Variants in COL7A1 observed in about 807,000 individuals in gnomAD.
COL7A1 encodes collagen alpha-1(VII) chain.
Under a neutral mutation model 456.2 loss-of-function variants are expected in COL7A1, and 296 were observed. That is an observed-to-expected ratio of 0.65 (90% CI 0.59 to 0.71). COL7A1 has a LOEUF of 0.71. Among genes scored for constraint, COL7A1 ranks in the 30% least tolerant of loss-of-function variants. COL7A1 has a pLI of 0.00. For synonymous variants in COL7A1, 1,464 were observed against 1,525.9 expected (o/e 0.96, Z 0.95); for missense variants, 3,441 against 4,017.2 (o/e 0.86, Z 3.88).
In COL7A1 at chr3:48,593,298, C is replaced by G. The variant is rs751212883; in HGVS notation, c.521-35G>C. On this transcript the variant is annotated intron_variant, in intron 5 of 118. Transcript: ENST00000681320. The surrounding 1 kb of genome is among the most constrained non-coding windows in gnomAD (Gnocchi z 4.4). Reference sequence around the variant, plus strand: ...CGACCCATCAGGACTCAGTCACCCACATGCTCTCTGACTGCCCCCACCCCC... The same window carrying G: ...CGACCCATCAGGACTCAGTCACCCAGATGCTCTCTGACTGCCCCCACCCCC... 1.2e-6 allele frequency: 2 copies of G among 1,614,122 alleles called. No homozygotes were observed. Among genetic ancestry groups the G allele is most frequent in the South Asian group, 2.2e-5 (2 of 91,078 alleles).
chr3:48,565,826 T>C lies in COL7A1; in HGVS notation c.8408-158A>G, dbSNP rs1160611226. Among the ~76,000 whole-genome samples the C allele has an allele frequency of 1.3e-5, 2 of 150,774 alleles. No individual in the cohort carries two copies. Among genetic ancestry groups the C allele is most frequent in the East Asian group, 2.0e-4 (1 of 5,124 alleles). ...AGGAAGAGAGAGGGTGGGAGGTAGA[T>C]AGAGAGATGGAAAAAGAGAAGAAGG... On this transcript the variant is annotated intron_variant, in intron 114 of 118. Coordinates refer to ENST00000681320, the MANE Select transcript of COL7A1 (RefSeq NM_000094.4). The surrounding 1 kb of genome is among the most constrained non-coding windows in gnomAD (Gnocchi z 4.5).
Position 48,588,016 on chromosome 3 carries a change from T to A in COL7A1, c.2711-77A>T. 1 of 1,494,450 alleles carries A rather than the reference T, an allele frequency of 6.7e-7. No individual in the cohort carries two copies. Among genetic ancestry groups the A allele is most frequent in the Non-Finnish European group, 9.1e-7 (1 of 1,104,138 alleles). The allele number at this position is 1,494,450 out of a possible 1,614,324, so 92.6% of individuals were successfully genotyped here. A position where few individuals can be genotyped will look rare whatever the true frequency, so the allele number is the denominator to read the frequency against. ...GGGGGCATTAAAGGGCCTGCCCACT[T>A]CACTGGCTCTGTTAACTGGGTTCAC... On this transcript the variant is annotated intron_variant, in intron 21 of 118. Coordinates refer to ENST00000681320, the MANE Select transcript of COL7A1 (RefSeq NM_000094.4). This position sits in a 1 kb window ranked among gnomAD's most constrained non-coding sequence, Gnocchi z 4.6.
In COL7A1 at chr3:48,576,835, C is replaced by CCAGGGT. The variant is rs1387184365; in HGVS notation, c.5604+43_5604+48dup. 7 of 1,613,896 alleles carry CCAGGGT rather than the reference C, an allele frequency of 4.3e-6. No homozygotes were observed. The Admixed American group carries it at 8.3e-5, about 19-fold the overall frequency. ...CAGAAAAGAGTGGAGTCATATTCCC[C>CCAGGGT]CAGGGTCAGGGTCAGGGGTCAGAGG... On this transcript the variant is annotated intron_variant, in intron 67 of 118. Coordinates refer to ENST00000681320, the MANE Select transcript of COL7A1 (RefSeq NM_000094.4).
At position 48,586,063 on chromosome 3, in the gene COL7A1, C is replaced by T. The variant is rs1160176401; in HGVS notation, c.3723+11G>A. The T allele has an allele frequency of 6.2e-7, 1 of 1,613,610 alleles. No individual in the cohort carries two copies. Among genetic ancestry groups the T allele is most frequent in the Non-Finnish European group, 8.5e-7 (1 of 1,180,030 alleles). ...TTCTACCACCCAGTCCCCCAGAGGC[C>T]TCTTCCAAACCTGAGTAGTGAAGGA... On this transcript the variant is annotated intron_variant, in intron 28 of 118. Coordinates refer to ENST00000681320, the MANE Select transcript of COL7A1 (RefSeq NM_000094.4). The surrounding 1 kb of genome is among the most constrained non-coding windows in gnomAD (Gnocchi z 5.1).
In COL7A1 at chr3:48,578,232, G is replaced by T; in HGVS notation, c.5532+89C>A. 1.4e-6 allele frequency: 2 copies of T among 1,455,058 alleles called. No homozygotes were observed. Among genetic ancestry groups the T allele is most frequent in the Non-Finnish European group, 1.9e-6 (2 of 1,043,518 alleles). The allele number at this position is 1,455,058 out of a possible 1,614,324, so 90.1% of individuals were successfully genotyped here. Reference sequence around the variant, plus strand: ...GGCCAGGATGCATGTGTCTACACGTGTGCCTCATGTGTTGCTACAGATCTT... The same window carrying T: ...GGCCAGGATGCATGTGTCTACACGTTTGCCTCATGTGTTGCTACAGATCTT... On this transcript the variant is annotated intron_variant, in intron 65 of 118. Coordinates refer to ENST00000681320, the MANE Select transcript of COL7A1 (RefSeq NM_000094.4). This position sits in a 1 kb window ranked among gnomAD's most constrained non-coding sequence, Gnocchi z 4.7.
chr3:48,564,728 C>T lies in COL7A1; in HGVS notation c.8818+55G>A. On this transcript the variant is annotated intron_variant, in intron 118 of 118. Coordinates refer to ENST00000681320, the MANE Select transcript of COL7A1 (RefSeq NM_000094.4). The surrounding 1 kb of genome is among the most constrained non-coding windows in gnomAD (Gnocchi z 6.0). ...TGGCCCAAGGACTCCTCCCCCAGAA[C>T]CCGATCCAGGCAGGCTCAGTGCCCA... 6.4e-7 allele frequency: 1 copy of T among 1,573,652 alleles called. No individual in the cohort carries two copies. The highest frequency in any genetic ancestry group is 8.7e-7 in the Non-Finnish European group (1 of 1,155,474).
rs1036738746 is a variant in COL7A1, at chr3:48,580,052, G to A, written c.5103C>T (p.Pro1701=). 1.2e-6 allele frequency: 2 copies of A among 1,613,954 alleles called. No homozygotes were observed. Among genetic ancestry groups the A allele is most frequent in the Non-Finnish European group, 1.7e-6 (2 of 1,179,936 alleles). ...GPKGDRGEPG[P]PGPPGRLVDT... ...TTACCAGCCGTCCCGGGGGTCCTGG[G>A]GGACCCTGGGAAAGGAAATGATTAT... The change falls in exon 57 of 119, where the codon CCC becomes CCT. Residue 1701 remains proline (P), a synonymous_variant. Transcript: ENST00000681320. This position sits in a 1 kb window ranked among gnomAD's most constrained non-coding sequence, Gnocchi z 4.5.
chr3:48,578,217 C>T lies in COL7A1; in HGVS notation c.5532+104G>A. 7.7e-7 allele frequency: 1 copy of T among 1,304,916 alleles called. No homozygotes were observed. The highest frequency in any genetic ancestry group is 1.1e-6 in the Non-Finnish European group (1 of 912,186). 80.8% of individuals were successfully genotyped at this position (1,304,916 alleles called of 1,614,324 possible). ...GCATCTGTATGTCTGGGCCAGGATG[C>T]ATGTGTCTACACGTGTGCCTCATGT... is the stretch of plus-strand genomic sequence containing the variant. On this transcript the variant is annotated intron_variant, in intron 65 of 118. Coordinates refer to ENST00000681320, the MANE Select transcript of COL7A1 (RefSeq NM_000094.4). The surrounding 1 kb of genome is among the most constrained non-coding windows in gnomAD (Gnocchi z 4.7).
rs1462018366 is a variant in COL7A1, at chr3:48,588,222, G to A, written c.2710+60C>T. On this transcript the variant is annotated intron_variant, in intron 21 of 118. Coordinates refer to ENST00000681320, the MANE Select transcript of COL7A1 (RefSeq NM_000094.4). This position sits in a 1 kb window ranked among gnomAD's most constrained non-coding sequence, Gnocchi z 4.6. ...CCATCACTGTCCTCGCCTACCTTGC[G>A]GAGTCTGCCACAGCCCTGCCCCCAA... 8.1e-6 allele frequency: 13 copies of A among 1,611,550 alleles called. No individual in the cohort carries two copies. The highest frequency in any genetic ancestry group is 2.7e-5 in the African/African-American group (2 of 74,788).
Position 48,575,199 on chromosome 3 carries a change from C to T in COL7A1, c.6216+8G>A, listed in dbSNP as rs762379640. On this transcript the variant is annotated splice_region_variant and intron_variant, in intron 75 of 118. Transcript: ENST00000681320. The surrounding 1 kb of genome is among the most constrained non-coding windows in gnomAD (Gnocchi z 6.3). ...ACAGCCTGCCCCACGAAGCCCATCG[C>T]AGCCCACCTGTTCTCCACGTTCTCC... 1 of 1,614,062 alleles carries T rather than the reference C, an allele frequency of 6.2e-7. No individual in the cohort carries two copies. Among genetic ancestry groups the T allele is most frequent in the East Asian group, 2.2e-5 (1 of 44,884 alleles).
In COL7A1 at chr3:48,593,018, G is replaced by A; in HGVS notation, c.683-80C>T. 4 of 1,612,696 alleles carry A rather than the reference G, an allele frequency of 2.5e-6. No individual in the cohort carries two copies. In the South Asian group the frequency reaches 4.4e-5, roughly 18 times the overall value. On this transcript the variant is annotated intron_variant, in intron 6 of 118. Transcript: ENST00000681320. This position sits in a 1 kb window ranked among gnomAD's most constrained non-coding sequence, Gnocchi z 4.4. ...TGCAGAGTTGGGGTCGGGGTCAGGA[G>A]CACATAGGATGGAATCAGCACTGCC...
rs778152277 is a variant in COL7A1 at position 48,575,055 on chromosome 3, G to T, written c.6279+9C>A. On this transcript the variant is annotated intron_variant, in intron 76 of 118. Coordinates refer to ENST00000681320, the MANE Select transcript of COL7A1 (RefSeq NM_000094.4). The surrounding 1 kb of genome is among the most constrained non-coding windows in gnomAD (Gnocchi z 6.3). ...AGTCACAGGACTAAGGCAGGGATGG[G>T]GTGATCACCTTGGGGCCAGGGGGTC... 1.2e-6 allele frequency: 2 copies of T among 1,611,432 alleles called. No individual in the cohort carries two copies. The highest frequency in any genetic ancestry group is 1.1e-5 in the South Asian group (1 of 91,034).
chr3:48,586,149 C>T lies in COL7A1; in HGVS notation c.3648G>A (p.Val1216=), dbSNP rs1331796755. The change falls in exon 28 of 119, where the codon GTG becomes GTA. Residue 1216 remains valine, a synonymous_variant. Transcript: ENST00000681320. The surrounding 1 kb of genome is among the most constrained non-coding windows in gnomAD (Gnocchi z 5.1). The stretch of plus-strand genomic sequence containing the variant: ...CCTGGTCCAGGCTTGGCCCATCATC[C>T]ACGGCGAAGAAGGTCTGGACAGAGT... ...GMDSVQTFFA[V]DDGPSLDQAV... 6.2e-7 allele frequency: 1 copy of T among 1,613,272 alleles called. No individual in the cohort carries two copies. Among genetic ancestry groups the T allele is most frequent in the Non-Finnish European group, 8.5e-7 (1 of 1,180,052 alleles).
In COL7A1 at chr3:48,588,643, C is replaced by T. The variant is rs537416600; in HGVS notation, c.2586G>A (p.Thr862=). The T allele has an allele frequency of 2.5e-6, 4 of 1,613,842 alleles. No individual in the cohort carries two copies. Among genetic ancestry groups the T allele is most frequent in the African/African-American group, 1.3e-5 (1 of 75,060 alleles). ...EGTPVSIVVT[T]PPEAPPALGT... is the part of the protein sequence containing the mutation. Reference sequence around the variant, plus strand: ...CTCTCCAGCGCATGCTCTGCCTACGCGTAGTGACAACAATGGAGACAGGTG... The same window carrying T: ...CTCTCCAGCGCATGCTCTGCCTACGTGTAGTGACAACAATGGAGACAGGTG... The change falls in exon 20 of 119, where the codon ACG becomes ACA. Residue 862 remains threonine (T), a splice_region_variant and synonymous_variant. Transcript: ENST00000681320. This position sits in a 1 kb window ranked among gnomAD's most constrained non-coding sequence, Gnocchi z 4.6.
intron 47 of COL7A1, 112 bp downstream of exon 47, chr3:48,582,211 C>T (rs2044810798): frequency 4.4e-6 from 7 of 1,585,198 alleles, no homozygotes; most frequent in African/African-American, 4.0e-5. Context: ...GCAGAGCTCC[C>T]AGCCTGCTCA....
chr3:48,585,815 C>T lies in COL7A1; in HGVS notation c.3786+15G>A, dbSNP rs373252766. The stretch of plus-strand genomic sequence containing the variant: ...CTCAACCCATTCTCTATTCCCCGCC[C>T]GCAGGGGCACTCACCATCTCTCCAG... On this transcript the variant is annotated intron_variant, in intron 30 of 118. Transcript: ENST00000681320. This position sits in a 1 kb window ranked among gnomAD's most constrained non-coding sequence, Gnocchi z 4.5. 1,227 of 1,614,066 alleles carry T rather than the reference C, an allele frequency of 7.6e-4. 12 individuals are homozygous for T. In the South Asian group the frequency reaches 0.01, roughly 14 times the overall value.
Position 48,566,214 on chromosome 3 carries a change from C to G in COL7A1, c.8407+53G>C. The G allele has an allele frequency of 6.4e-7, 1 of 1,568,032 alleles. No individual in the cohort carries two copies. The highest frequency in any genetic ancestry group is 8.7e-7 in the Non-Finnish European group (1 of 1,155,544). On this transcript the variant is annotated intron_variant, in intron 114 of 118. Transcript: ENST00000681320. The surrounding 1 kb of genome is among the most constrained non-coding windows in gnomAD (Gnocchi z 5.9). ...TGTAAGTTCTAGGGGCCTGCCTGCC[C>G]TTGCCTAGGGTGCTGGGGTGGAGTG...
Position 48,571,327 on chromosome 3 carries a change from A to C in COL7A1, c.7069-49T>G. ...TTTGAGAGGGTAGGAACATGAGCAC[A>C]GAGTTCAGACACGGGCTGAAAATAT... is the stretch of plus-strand genomic sequence containing the variant. On this transcript the variant is annotated intron_variant, in intron 92 of 118. Transcript: ENST00000681320. The surrounding 1 kb of genome is among the most constrained non-coding windows in gnomAD (Gnocchi z 4.6). 1 of 1,609,302 alleles carries C rather than the reference A, an allele frequency of 6.2e-7. No homozygotes were observed. Among genetic ancestry groups the C allele is most frequent in the Non-Finnish European group, 8.5e-7 (1 of 1,175,768 alleles).
rs1377514123 is a variant in COL7A1 at position 48,570,280 on chromosome 3, T to C, written c.7435A>G (p.Ile2479Val). The change falls in exon 98 of 119, where the codon ATC becomes GTC. Residue 2479 changes from isoleucine to valine, a missense_variant. This residue lies in a region of COL7A1 where 2,084 missense variants were observed against 2,501.3 expected (regional missense o/e 0.83). Transcript: ENST00000681320. The surrounding 1 kb of genome is among the most constrained non-coding windows in gnomAD (Gnocchi z 5.5). Reference protein sequence around the residue: ...GPRGERGEPGIRGEDGRPGQE... With the variant: ...GPRGERGEPGVRGEDGRPGQE... ...GTGGAGTAAGACATACGTACCCGGA[T>C]GCCTGGCTCCCCACGCTCGCCTCGG... is the stretch of plus-strand genomic sequence containing the variant. The C allele has an allele frequency of 2.5e-6, 4 of 1,613,558 alleles. No homozygotes were observed. The East Asian group carries it at 6.7e-5, about 27-fold the overall frequency.
Sources: gnomAD v4.1 joint callset for allele counts (sites outside exome capture counted in the v4.1 genomes callset) on GRCh38, gnomAD v4.1.1 for gene constraint, gnomAD v4.1.1 regional missense constraint, Gnocchi (gnomAD v3.1) non-coding constraint, MANE v1.5 for transcripts, NCBI Gene and HGNC (gene_info 2026-07-23, HGNC 2026-07-21) for gene names.